RGS5: variants seen among roughly 807,000 people sequenced by gnomAD.
The protein encoded by RGS5 is regulator of G protein signaling 5.
Under a neutral mutation model 18.9 loss-of-function variants are expected in RGS5, and 20 were observed. The ratio of observed to expected loss-of-function variants is 1.06; its 90% CI spans 0.74 to 1.54. The LOEUF (loss-of-function observed/expected upper bound fraction) is 1.54, where lower values mean the gene tolerates loss of function less well. Ranked by LOEUF, RGS5 falls within the 40% of genes most tolerant of loss-of-function variation. The probability of loss-of-function intolerance (pLI) is 0.00; values close to 1 mark genes in which losing one functional copy is unlikely to be tolerated. For synonymous variants in RGS5, 57 were observed against 76.2 expected, an observed-to-expected ratio of 0.75 and a Z score of 1.31; for missense variants, 201 against 211.8, an observed-to-expected ratio of 0.95 and a Z score of 0.32.
At chr1:163,274,904 CCAA>C (rs1648813463) in intron 2 of RGS5, among the ~76,000 whole-genome samples, 1 of 152,094 alleles carries the variant, frequency 6.6e-6, no homozygotes, top group African/African-American at 2.4e-5. Flanking sequence ...ATCGCTTGAG[CCAA>C]CGAGTTCAAG....
intron 2 of RGS5, chr1:163,266,573 T>C (rs1243210032): frequency 6.6e-6 from 1 of 152,166 alleles, no homozygotes; most frequent in Non-Finnish European, 1.5e-5. Context: ...ACTCTGCCTA[T>C]TTAATGCTTA....
chr1:163,172,507 A>G (rs1471934083), intron 1 of RGS5: 3 of 1,538,036 alleles, frequency 2.0e-6, no homozygotes, highest in African/African-American at 2.8e-5. Flanking sequence ...ATCATTTATA[A>G]CATTGCCAAG....
chr1:163,287,595 G>A (rs11800921), intron 2 of RGS5, among the ~76,000 whole-genome samples: 22,367 of 152,274 alleles, frequency 0.15, 1,970 homozygotes, highest in Non-Finnish European at 0.19. Flanking sequence ...TGAAGTTTCT[G>A]AGATAAACTT....
At chr1:163,320,064 CAA>C (rs1650144210) in intron 1 of RGS5, among the ~76,000 whole-genome samples, 1 of 152,096 alleles carries the variant, frequency 6.6e-6, no homozygotes, top group African/African-American at 2.4e-5. Context: ...CCCAAATAAA[CAA>C]TATTTATTGT....
At chr1:163,246,052 A>G (rs1024438804) in intron 2 of RGS5, among the ~76,000 whole-genome samples, 4 of 149,754 alleles carry the variant, frequency 2.7e-5, no homozygotes, top group African/African-American at 9.8e-5. Flanking sequence ...CGTCTCTACT[A>G]AAAAAATACA....
At chr1:163,197,217 C>T (rs557089174) in intron 1 of RGS5, among the ~76,000 whole-genome samples, 39 of 152,220 alleles carry the variant, frequency 2.6e-4, no homozygotes, top group African/African-American at 9.4e-4. Context: ...GATGTCACAA[C>T]ATCAGCCAAA....
chr1:163,284,185 G>T (rs1189358163), intron 2 of RGS5, among the ~76,000 whole-genome samples: 2 of 152,126 alleles, frequency 1.3e-5, no homozygotes, highest in Non-Finnish European at 2.9e-5. Context: ...CTCTTTTGTT[G>T]TTACATAATA....
At position 163,152,640 on chromosome 1, in the gene RGS5, C is replaced by T; in HGVS notation, c.294G>A (p.Glu98=). The change falls in exon 4 of 5, where the codon GAG becomes GAA. Residue 98 remains glutamate (E), a synonymous_variant. Coordinates refer to ENST00000313961, the MANE Select transcript of RGS5 (RefSeq NM_003617.4). ...EENLEFWIAC[E]DYKKIKSPAK... ...CAGGGGACTTGATCTTCTTGTAATC[C>T]TCACAGGCAATCCAGAACTCAAGGT... The T allele has an allele frequency of 6.2e-7, 1 of 1,612,858 alleles. No individual in the cohort carries two copies. The highest frequency in any genetic ancestry group is 8.5e-7 in the Non-Finnish European group (1 of 1,179,316).
upstream of RGS5, among the ~76,000 whole-genome samples, chr1:163,218,442 T>C (rs1660265004): frequency 6.6e-6 from 1 of 152,150 alleles, no homozygotes; most frequent in African/African-American, 2.4e-5. Context: ...AGATCCACTG[T>C]TAGATATTAA....
chr1:163,179,248 C>T (rs1658701491), intron 1 of RGS5, among the ~76,000 whole-genome samples: 1 of 152,226 alleles, frequency 6.6e-6, no homozygotes, highest in Non-Finnish European at 1.5e-5. Context: ...ATTCATCTTA[C>T]TACATGTGTG....
intron 2 of RGS5, among the ~76,000 whole-genome samples, chr1:163,290,633 A>G (rs1447732010): frequency 6.7e-6 from 1 of 149,890 alleles, no homozygotes; most frequent in Non-Finnish European, 1.5e-5. Context: ...TCTTGTCCAG[A>G]AGACATGTGC....
At chr1:163,316,834 A>G (rs775668555) in intron 1 of RGS5, among the ~76,000 whole-genome samples, 2 of 152,172 alleles carry the variant, frequency 1.3e-5, no homozygotes, top group African/African-American at 4.8e-5. Context: ...CCCTCCTCAG[A>G]GGCTACTACT....
chr1:163,179,146 A>T (rs150671148), intron 1 of RGS5, among the ~76,000 whole-genome samples: 2 of 152,346 alleles, frequency 1.3e-5, no homozygotes, highest in East Asian at 3.9e-4. Flanking sequence ...AGAAAATCCA[A>T]TTAATACCAA....
At chr1:163,312,014 C>T (rs1649879797) in intron 1 of RGS5, among the ~76,000 whole-genome samples, 1 of 152,174 alleles carries the variant, frequency 6.6e-6, no homozygotes, top group African/African-American at 2.4e-5. Context: ...TATGGTTTGG[C>T]TTTGTGTCTC....
intron 3 of RGS5, among the ~76,000 whole-genome samples, chr1:163,158,988 G>A (rs1378586689): frequency 1.3e-5 from 2 of 152,080 alleles, no homozygotes; most frequent in South Asian, 4.1e-4. Context: ...CTTTCTCAGG[G>A]ATGTTCCTAG....
At chr1:163,260,139 G>A (rs1648391339) in intron 2 of RGS5, 1 of 152,134 alleles carries the variant, frequency 6.6e-6, no homozygotes, top group Non-Finnish European at 1.5e-5. Context: ...TTTTTCTCAT[G>A]ATGCCATAAC....
chr1:163,214,436 T>C (rs1027697780), intron 1 of RGS5, among the ~76,000 whole-genome samples: 2 of 152,114 alleles, frequency 1.3e-5, no homozygotes, highest in Non-Finnish European at 2.9e-5. Flanking sequence ...CACCTTCACA[T>C]TTCTATTACT....
intron 2 of RGS5, among the ~76,000 whole-genome samples, chr1:163,273,808 T>C (rs1250356273): frequency 6.6e-6 from 1 of 152,204 alleles, no homozygotes; most frequent in Non-Finnish European, 1.5e-5. Context: ...GGGATCTTTA[T>C]TTTCTCCTCT....
intron 2 of RGS5, among the ~76,000 whole-genome samples, chr1:163,233,783 G>C (rs947208569): frequency 7.2e-5 from 11 of 151,964 alleles, no homozygotes; most frequent in Admixed American, 2.0e-4. Context: ...AGGGTGTATC[G>C]TACAAAGTAC....
Sources: gnomAD v4.1 joint callset for allele counts (sites outside exome capture counted in the v4.1 genomes callset) on GRCh38, gnomAD v4.1.1 for gene constraint, MANE v1.5 for transcripts, NCBI Gene and HGNC (gene_info 2026-07-23, HGNC 2026-07-21) for gene names.